Variants in ZNF71 observed in about 807,000 individuals in gnomAD.
ZNF71 encodes endothelial zinc finger protein induced by tumor necrosis factor alpha.
A neutral mutation model predicts 6.7 loss-of-function variants in ZNF71; 3 were observed. That is an observed-to-expected ratio of 0.45 (90% confidence interval 0.20 to 1.16). The LOEUF (loss-of-function observed/expected upper bound fraction) is 1.16, where lower values mean the gene tolerates loss of function less well. Ranked by LOEUF, ZNF71 falls within the 50% of genes most tolerant of loss-of-function variation. The probability of loss-of-function intolerance (pLI) is 0.25; values close to 1 mark genes in which losing one functional copy is unlikely to be tolerated. For missense variants in ZNF71, 688 were observed against 728.6 expected (o/e 0.94, Z 0.64); for synonymous variants, 343 against 311.1 (o/e 1.10, Z -1.08).
intron 1 of ZNF71, among the ~76,000 whole-genome samples, chr19:56,595,869 G>A (rs2044617920): frequency 6.6e-6 from 1 of 150,952 alleles, no homozygotes; most frequent in African/African-American, 2.4e-5. Context: ...GTGTGTGTGT[G>A]TGTGTGTGTG....
At chr19:56,595,610 G>C (rs1205805000) in intron 1 of ZNF71, among the ~76,000 whole-genome samples, 182 bp downstream of exon 1, 1 of 152,166 alleles carries the variant, frequency 6.6e-6, no homozygotes, top group African/African-American at 2.4e-5. Flanking sequence ...GGGCCAGGGA[G>C]GGAGAGGCGT....
Position 56,603,922 on chromosome 19 carries a change from A to C in ZNF71, c.33+2331A>C, listed in dbSNP as rs1404383242. ...GAAACCGAAAAAGATGGAGTACTAG[A>C]AAAAGGGGCCTTGGACACGTACGTG... On this transcript the variant is annotated intron_variant, in intron 2 of 3. Coordinates refer to ENST00000599599, the MANE Select transcript of ZNF71 (RefSeq NM_001370215.1). The surrounding 1 kb of genome is among the most constrained non-coding windows in gnomAD (Gnocchi z 4.6). Among the ~76,000 whole-genome samples the C allele has an allele frequency of 6.6e-6, 1 of 152,168 alleles. No homozygotes were observed. Among genetic ancestry groups the C allele is most frequent in the East Asian group, 1.9e-4 (1 of 5,204 alleles).
chr19:56,622,519 T>TGTGCGGCGA lies in ZNF71; in HGVS notation c.1420_1428dup (p.Glu474_Gly476dup). The stretch of plus-strand genomic sequence containing the variant: ...GTGCACACCGGGGAGAAGCCCTACG[T>TGTGCGGCGA]GTGCGGCGAGTGCGGCAAGGCCTTC... On this transcript the variant is annotated inframe_insertion, in exon 4 of 4. Coordinates refer to ENST00000599599, the MANE Select transcript of ZNF71 (RefSeq NM_001370215.1). 1 of 1,604,590 alleles carries TGTGCGGCGA rather than the reference T, an allele frequency of 6.2e-7. No individual in the cohort carries two copies. Among genetic ancestry groups the TGTGCGGCGA allele is most frequent in the East Asian group, 2.2e-5 (1 of 44,536 alleles).
intron 2 of ZNF71, among the ~76,000 whole-genome samples, chr19:56,607,486 C>T (rs973476293): frequency 9.9e-5 from 15 of 152,072 alleles, no homozygotes; most frequent in Admixed American, 9.2e-4. Flanking sequence ...CTGTGGTGGC[C>T]CAGGCAGACA....
At chr19:56,615,391 T>C (rs1315954691) in intron 3 of ZNF71, among the ~76,000 whole-genome samples, 1 of 152,216 alleles carries the variant, frequency 6.6e-6, no homozygotes, top group East Asian at 1.9e-4. Context: ...AAATTTAGCC[T>C]CCCTTGTAGG....
In ZNF71 at chr19:56,624,010, T is replaced by C. The variant is rs187815547; in HGVS notation, c.*1253T>C. On this transcript the variant is annotated 3_prime_UTR_variant, in exon 4 of 4. Coordinates refer to ENST00000599599, the MANE Select transcript of ZNF71 (RefSeq NM_001370215.1). The stretch of plus-strand genomic sequence containing the variant: ...TTCGAGTGAGTTTCCTAAGGCCGAC[T>C]GAAGCTCTGTTTACACATAAGAGTG... 8.3e-4 allele frequency: 139 copies of C among 167,222 alleles called. 1 individual carries two copies. The highest frequency in any genetic ancestry group is 3.0e-3 in the African/African-American group (125 of 41,570). The allele number at this position is 167,222 out of a possible 1,614,324, so 10.4% of individuals were successfully genotyped here.
chr19:56,605,759 G>T (rs533843996), intron 2 of ZNF71, among the ~76,000 whole-genome samples: 2 of 152,334 alleles, frequency 1.3e-5, no homozygotes, highest in South Asian at 2.1e-4. Context: ...GATCGCTTGT[G>T]ATCTGTCTGG....
Position 56,621,533 on chromosome 19 carries a change from C to G in ZNF71, c.426C>G (p.Ala142=). The change falls in exon 4 of 4, where the codon GCC becomes GCG. Residue 142 remains alanine, a synonymous_variant. Transcript: ENST00000599599. ...VPACHELKAF[A]NQGCVLVPPR... The stretch of plus-strand genomic sequence containing the variant: ...CATGTCATGAACTGAAGGCATTTGC[C>G]AACCAAGGCTGTGTCCTGGTCCCAC... The G allele has an allele frequency of 6.2e-7, 1 of 1,614,214 alleles. No individual in the cohort carries two copies. Among genetic ancestry groups the G allele is most frequent in the Non-Finnish European group, 8.5e-7 (1 of 1,180,046 alleles).
intron 2 of ZNF71, among the ~76,000 whole-genome samples, chr19:56,602,476 T>C (rs2044678307): frequency 6.6e-6 from 1 of 152,248 alleles, no homozygotes; most frequent in Non-Finnish European, 1.5e-5. Context: ...ATGTTGGATA[T>C]ATTTAGATTG....
rs367787804 is a variant in ZNF71 at position 56,617,122 on chromosome 19, G to GTTTTTT, written c.160+3187_160+3192dup. On this transcript the variant is annotated intron_variant, in intron 3 of 3. Coordinates refer to ENST00000599599, the MANE Select transcript of ZNF71 (RefSeq NM_001370215.1). ...CTTCCATTTTCTTTTGTTTTTTTTTGTTTTTTTTGAGACAGTCTTGCTCTG... is the reference window on the plus strand; with the variant it reads ...CTTCCATTTTCTTTTGTTTTTTTTTGTTTTTTTTTTTTTTGAGACAGTCTTGCTCTG... Among the ~76,000 whole-genome samples, 1,124 of 142,842 alleles carry GTTTTTT rather than the reference G, an allele frequency of 7.9e-3. 29 individuals carry two copies. Among genetic ancestry groups the GTTTTTT allele is most frequent in the African/African-American group, 0.027 (1,015 of 37,082 alleles). 93.7% of individuals were successfully genotyped at this position (142,842 alleles called of 152,430 possible).
In ZNF71 at chr19:56,613,926, C is replaced by T. The variant is rs2044770815; in HGVS notation, c.148C>T (p.Leu50=). ...RDVMLENYRN[L]VSLDWETRPE... is the part of the protein sequence containing the mutation. The stretch of plus-strand genomic sequence containing the variant: ...TGTCATGCTGGAGAACTACAGGAAC[C>T]TGGTCTCACTGGGTAAGGGGCAGCT... The change falls in exon 3 of 4, where the codon CTG becomes TTG. Residue 50 remains leucine, a synonymous_variant. Coordinates refer to ENST00000599599, the MANE Select transcript of ZNF71 (RefSeq NM_001370215.1). The surrounding 1 kb of genome is among the most constrained non-coding windows in gnomAD (Gnocchi z 4.6). 6.5e-6 allele frequency: 7 copies of T among 1,073,250 alleles called. No individual in the cohort carries two copies. Among genetic ancestry groups the T allele is most frequent in the Admixed American group, 7.8e-5 (2 of 25,604 alleles). 66.5% of individuals were successfully genotyped at this position (1,073,250 alleles called of 1,614,324 possible).
intron 1 of ZNF71, among the ~76,000 whole-genome samples, chr19:56,597,978 G>A (rs1481596882): frequency 1.3e-5 from 2 of 152,186 alleles, no homozygotes. Flanking sequence ...TCAGCTTGAT[G>A]TCTAAGTGCC....
rs1385802276 is a variant in ZNF71, at chr19:56,623,035, A to G, written c.*278A>G. On this transcript the variant is annotated 3_prime_UTR_variant, in exon 4 of 4. Transcript: ENST00000599599. ...CTGGTAACAGACATCAGGGTTCCAGACTAGCCCTCTTGAGTAACTGTCCTA... is the reference window on the plus strand; with the variant it reads ...CTGGTAACAGACATCAGGGTTCCAGGCTAGCCCTCTTGAGTAACTGTCCTA... The G allele has an allele frequency of 7.9e-6, 4 of 507,954 alleles. No homozygotes were observed. The highest frequency in any genetic ancestry group is 3.1e-5 in the South Asian group (1 of 32,334). The allele number at this position is 507,954 out of a possible 1,614,324, so 31.5% of individuals were successfully genotyped here.
At chr19:56,615,975 C>T (rs773417711) in intron 3 of ZNF71, among the ~76,000 whole-genome samples, 4 of 152,260 alleles carry the variant, frequency 2.6e-5, no homozygotes, top group East Asian at 1.9e-4. Flanking sequence ...GATGTAAGAA[C>T]GGGGCTCAAC....
rs1030050574 is a variant in ZNF71, at chr19:56,613,662, G to C, written c.34-150G>C. 7.4e-6 allele frequency: 4 copies of C among 541,188 alleles called. No homozygotes were observed. Among genetic ancestry groups the C allele is most frequent in the Non-Finnish European group, 9.5e-6 (4 of 419,712 alleles). The allele number at this position is 541,188 out of a possible 1,614,324, so 33.5% of individuals were successfully genotyped here. On this transcript the variant is annotated intron_variant, in intron 2 of 3. Transcript: ENST00000599599. This position sits in a 1 kb window ranked among gnomAD's most constrained non-coding sequence, Gnocchi z 4.6. ...TATAACTAGACACAGAGAAAACTGT[G>C]AGTGATCCCTTTAGAACTCTGCATC...
chr19:56,617,779 G>A lies in ZNF71; in HGVS notation c.161-3489G>A, dbSNP rs375808995. On this transcript the variant is annotated intron_variant, in intron 3 of 3. Transcript: ENST00000599599. ...TTGCTGTTTGCAGATGATCTCTACT[G>A]CAGGGTTTTAGCCTGAGAAAGGGAG... Among the ~76,000 whole-genome samples, 17 of 152,272 alleles carry A rather than the reference G, an allele frequency of 1.1e-4. No homozygotes were observed. The South Asian group carries it at 3.5e-3, about 32-fold the overall frequency.
chr19:56,603,653 G>A lies in ZNF71; in HGVS notation c.33+2062G>A, dbSNP rs1273996096. On this transcript the variant is annotated intron_variant, in intron 2 of 3. Transcript: ENST00000599599. The surrounding 1 kb of genome is among the most constrained non-coding windows in gnomAD (Gnocchi z 4.6). Reference sequence around the variant, plus strand: ...AGGAACCACCAGACTGTTTTCCTAAGCGATTGCACCATGATGCCTTCATTT... The same window carrying A: ...AGGAACCACCAGACTGTTTTCCTAAACGATTGCACCATGATGCCTTCATTT... 6.6e-6 allele frequency among the ~76,000 whole-genome samples: 1 copy of A among 152,188 alleles called. No homozygotes were observed. Among genetic ancestry groups the A allele is most frequent in the Non-Finnish European group, 1.5e-5 (1 of 68,038 alleles).
chr19:56,601,248 G>A (rs1427706406), intron 1 of ZNF71, among the ~76,000 whole-genome samples: 3 of 152,078 alleles, frequency 2.0e-5, no homozygotes, highest in East Asian at 1.9e-4. Context: ...ATCTCCTCGG[G>A]CCTCAGCCTC....
Position 56,607,972 on chromosome 19 carries a change from G to A in ZNF71, c.34-5840G>A, listed in dbSNP as rs2044722290. ...GGTGGGAGGCTTCAGCTGCTGGTCA[G>A]ATGGGCCTCTCCAAAGGACTCTGCA... is the stretch of plus-strand genomic sequence containing the variant. On this transcript the variant is annotated intron_variant, in intron 2 of 3. Coordinates refer to ENST00000599599, the MANE Select transcript of ZNF71 (RefSeq NM_001370215.1). 2.6e-5 allele frequency among the ~76,000 whole-genome samples: 4 copies of A among 152,306 alleles called. No individual in the cohort carries two copies. The South Asian group carries it at 6.2e-4, about 24-fold the overall frequency.
Sources: gnomAD v4.1 joint callset for allele counts (sites outside exome capture counted in the v4.1 genomes callset) on GRCh38, gnomAD v4.1.1 for gene constraint, Gnocchi (gnomAD v3.1) non-coding constraint, MANE v1.5 for transcripts, NCBI Gene and HGNC (gene_info 2026-07-23, HGNC 2026-07-21) for gene names.